Variants in TTC13 observed in about 807,000 individuals in gnomAD.
TTC13 encodes tetratricopeptide repeat protein 13.
In TTC13, 62 loss-of-function variants were observed where a neutral mutation model predicts 120.0. The observed-to-expected ratio is 0.52, with a 90% CI of 0.42 to 0.64. TTC13 has a LOEUF of 0.64. Ranked by LOEUF, TTC13 falls within the 30% of genes least tolerant of loss-of-function variation. The pLI is 0.00. For missense variants in TTC13, 824 were observed against 1,050.2 expected, an observed-to-expected ratio of 0.78 and a Z score of 2.98; for synonymous variants, 384 against 393.5, an observed-to-expected ratio of 0.98 and a Z score of 0.28.
chr1:230,945,247 CCATTTTCT>C, intron 5 of TTC13, 134 bp downstream of exon 5: 1 of 773,964 alleles, frequency 1.3e-6, no homozygotes, highest in East Asian at 2.5e-5. Context: ...TTACTAGCTG[CCATTTTCT>C]CATCTGTGAA....
In TTC13 at chr1:230,978,611, AGCC is replaced by A. The variant is rs528056496; in HGVS notation, c.217_219del (p.Gly73del). The A allele has an allele frequency of 2.1e-5, 30 of 1,441,658 alleles. No individual in the cohort carries two copies. The highest frequency in any genetic ancestry group is 7.9e-5 in the South Asian group (6 of 76,170). 89.3% of individuals were successfully genotyped at this position (1,441,658 alleles called of 1,614,324 possible). On this transcript the variant is annotated inframe_deletion, in exon 1 of 23. Transcript: ENST00000366661. This position sits in a 1 kb window ranked among gnomAD's most constrained non-coding sequence, Gnocchi z 5.6. ...CCCCAGTCCCCGGACTGCGGGCTGC[AGCC>A]GCCGCCGCCCGCCGGGGCCTCCTGC...
intron 20 of TTC13, among the ~76,000 whole-genome samples, chr1:230,909,828 G>A (rs996338300): frequency 6.6e-6 from 1 of 152,190 alleles, no homozygotes; most frequent in Admixed American, 6.5e-5. Flanking sequence ...CTGGCTCGGA[G>A]GCTCGTGGGG....
At chr1:230,935,068 C>T (rs1428030848) in intron 8 of TTC13, among the ~76,000 whole-genome samples, 1 of 152,202 alleles carries the variant, frequency 6.6e-6, no homozygotes, top group African/African-American at 2.4e-5. Flanking sequence ...AGGACTCCTG[C>T]TGAATATCTA....
intron 19 of TTC13, 98 bp downstream of exon 19, chr1:230,912,525 A>C (rs1671604279): frequency 7.3e-7 from 1 of 1,374,564 alleles, no homozygotes; most frequent in Non-Finnish European, 1.0e-6. Context: ...CCCAATTTCA[A>C]GCATAAGATG....
At position 230,954,317 on chromosome 1, in the gene TTC13, T is replaced by G. The variant is rs1475870518; in HGVS notation, c.513+16A>C. ...GACCATAAACTCAAAATTACATAAA[T>G]AAGAAGAAAATTTACCTGAAGCATT... On this transcript the variant is annotated intron_variant, in intron 4 of 22. Transcript: ENST00000366661. The G allele has an allele frequency of 3.7e-6, 6 of 1,601,120 alleles. No homozygotes were observed. The highest frequency in any genetic ancestry group is 1.3e-5 in the African/African-American group (1 of 74,634).
At chr1:230,922,870 C>T (rs1317796228) in intron 15 of TTC13, among the ~76,000 whole-genome samples, 2 of 152,202 alleles carry the variant, frequency 1.3e-5, no homozygotes, top group Non-Finnish European at 2.9e-5. Flanking sequence ...CCCCAACACA[C>T]AGCACAGCAC....
intron 22 of TTC13, among the ~76,000 whole-genome samples, chr1:230,907,827 T>C (rs938823551): frequency 1.3e-5 from 2 of 152,146 alleles, no homozygotes; most frequent in African/African-American, 2.4e-5. Context: ...CAAAAATAAC[T>C]AAAGTTGAAC....
chr1:230,968,667 T>C (rs1448389913), intron 1 of TTC13, among the ~76,000 whole-genome samples: 4 of 151,884 alleles, frequency 2.6e-5, no homozygotes, highest in Non-Finnish European at 4.4e-5. Flanking sequence ...GTCTAAAGGA[T>C]ACAGCAAGTA....
chr1:230,975,387 A>G (rs891488608), intron 1 of TTC13, among the ~76,000 whole-genome samples: 1 of 152,158 alleles, frequency 6.6e-6, no homozygotes, highest in Non-Finnish European at 1.5e-5. Flanking sequence ...AAAAATAGAA[A>G]AAACAACAGC....
intron 15 of TTC13, among the ~76,000 whole-genome samples, chr1:230,922,797 A>G (rs966271984): frequency 6.6e-6 from 1 of 152,176 alleles, no homozygotes; most frequent in Non-Finnish European, 1.5e-5. Context: ...ACTGCATAGT[A>G]GTTGTCTGCT....
Position 230,908,947 on chromosome 1 carries a change from C to T in TTC13, c.2383G>A (p.Gly795Arg), listed in dbSNP as rs763679700. ...CCCTTCCCGCTCCAACATACCTTCC[C>T]TTTGGGAATTTTTCCTGCTACTTCT... is the stretch of plus-strand genomic sequence containing the variant. ...GKEVAGKIPK[G>R]KLVDFEAMTA... is the part of the protein sequence containing the mutation. Residue 795 changes from glycine to arginine, a missense_variant, in exon 21 of 23, where the codon GGG becomes AGG. Coordinates refer to ENST00000366661, the MANE Select transcript of TTC13 (RefSeq NM_024525.5). 6.2e-7 allele frequency: 1 copy of T among 1,614,160 alleles called. No homozygotes were observed. The highest frequency in any genetic ancestry group is 8.5e-7 in the Non-Finnish European group (1 of 1,180,012).
chr1:230,964,597 T>C (rs1166322085), intron 1 of TTC13, among the ~76,000 whole-genome samples: 2 of 152,134 alleles, frequency 1.3e-5, no homozygotes, highest in African/African-American at 4.8e-5. Context: ...CCTAATTATC[T>C]ATTTTCCAAA....
At chr1:230,951,797 G>A (rs1021593745) in intron 4 of TTC13, among the ~76,000 whole-genome samples, 1 of 152,150 alleles carries the variant, frequency 6.6e-6, no homozygotes, top group African/African-American at 2.4e-5. Context: ...AATCATGTGT[G>A]TGATACATAA....
At chr1:230,931,978 C>A (rs1673604740) in intron 9 of TTC13, 101 bp from the exon 10 acceptor site, 1 of 1,161,002 alleles carries the variant, frequency 8.6e-7, no homozygotes, top group East Asian at 2.4e-5. Flanking sequence ...AACAAGATAC[C>A]TTGATGGGAG....
intron 8 of TTC13, chr1:230,936,448 C>T (rs1037340715): frequency 1.5e-5 from 5 of 334,696 alleles, no homozygotes; most frequent in African/African-American, 1.1e-4. Context: ...CACCCTAGGG[C>T]TGTTCCTTGT....
intron 1 of TTC13, among the ~76,000 whole-genome samples, chr1:230,962,159 G>A (rs569753431): frequency 4.6e-5 from 7 of 151,340 alleles, no homozygotes; most frequent in South Asian, 2.1e-4. Flanking sequence ...GCCGTGAGCC[G>A]AGACTGTGCC....
chr1:230,930,142 A>G (rs999823882), intron 11 of TTC13, among the ~76,000 whole-genome samples: 2 of 152,242 alleles, frequency 1.3e-5, no homozygotes, highest in Non-Finnish European at 2.9e-5. Flanking sequence ...AAGTATTTCC[A>G]ATGAAAATTT....
chr1:230,939,613 T>C, intron 7 of TTC13, 117 bp from the exon 8 acceptor site: 1 of 585,270 alleles, frequency 1.7e-6, no homozygotes. Context: ...CCTTTTTGGC[T>C]TTAAAGGAAA....
chr1:230,921,480 G>T lies in TTC13; in HGVS notation c.1839C>A (p.Tyr613Ter). 6.5e-7 allele frequency: 1 copy of T among 1,543,982 alleles called. No individual in the cohort carries two copies. Among genetic ancestry groups the T allele is most frequent in the Non-Finnish European group, 8.8e-7 (1 of 1,137,438 alleles). Residue 613 changes from tyrosine to a stop codon, truncating the protein, a stop_gained, in exon 16 of 23, where the codon TAC (tyrosine) becomes TAA (stop). Coordinates refer to ENST00000366661, the MANE Select transcript of TTC13 (RefSeq NM_024525.5). LOFTEE classifies it high-confidence loss of function. ...GAAGTATTTTCTCAAAATATTCTAG[G>T]TATCTCATGTTGATCACCTGACCCC... is the stretch of plus-strand genomic sequence containing the variant. ...LIRGQVINMR[Y>*]LEYFEKILHF...
Sources: gnomAD v4.1 joint callset for allele counts (sites outside exome capture counted in the v4.1 genomes callset) on GRCh38, gnomAD v4.1.1 for gene constraint, Gnocchi (gnomAD v3.1) non-coding constraint, MANE v1.5 for transcripts, NCBI Gene and HGNC (gene_info 2026-07-23, HGNC 2026-07-21) for gene names.